Variants in ATAD2B observed in about 807,000 individuals in gnomAD.
The protein encoded by ATAD2B is ATPase family AAA domain containing 2B.
In ATAD2B, 40 loss-of-function variants were observed where a neutral mutation model predicts 167.6. The ratio of observed to expected loss-of-function variants is 0.24; its 90% CI spans 0.19 to 0.31. The LOEUF (loss-of-function observed/expected upper bound fraction) is 0.31, where lower values mean the gene tolerates loss of function less well. ATAD2B is among the 10% of genes least tolerant of loss of function. The pLI, the probability that ATAD2B is intolerant of heterozygous loss-of-function variation, is 1.00. For synonymous variants in ATAD2B, 579 were observed against 596.5 expected (o/e 0.97, Z 0.43); for missense variants, 1,242 against 1,757.2 (o/e 0.71, Z 5.24).
intron 22 of ATAD2B, among the ~76,000 whole-genome samples, chr2:23,769,742 G>A (rs1248613650): frequency 1.4e-5 from 2 of 143,290 alleles, no homozygotes; most frequent in Non-Finnish European, 1.5e-5. Flanking sequence ...TTGAGACAGG[G>A]TCTCATTCTG....
chr2:23,847,630 G>T lies in ATAD2B; in HGVS notation c.1568+9785C>A, dbSNP rs189223620. 6.6e-5 allele frequency among the ~76,000 whole-genome samples: 10 copies of T among 151,948 alleles called. No homozygotes were observed. In the East Asian group the frequency reaches 1.5e-3, roughly 24 times the overall value. Reference sequence around the variant, plus strand: ...ATCACACCACTGCACTACAGCCTTGGTGAAGGGAATGAGACGCTGTCTCAA... The same window carrying T: ...ATCACACCACTGCACTACAGCCTTGTTGAAGGGAATGAGACGCTGTCTCAA... On this transcript the variant is annotated intron_variant, in intron 13 of 27. Coordinates refer to ENST00000238789, the MANE Select transcript of ATAD2B (RefSeq NM_017552.4).
chr2:23,766,313 T>C (rs567376061), intron 22 of ATAD2B, among the ~76,000 whole-genome samples: 1 of 152,300 alleles, frequency 6.6e-6, no homozygotes, highest in South Asian at 2.1e-4. Context: ...GCCCCCTAGA[T>C]CTGTGCAACT....
chr2:23,802,146 T>C (rs1344375124), intron 18 of ATAD2B, among the ~76,000 whole-genome samples: 1 of 152,004 alleles, frequency 6.6e-6, no homozygotes, highest in Non-Finnish European at 1.5e-5. Flanking sequence ...AATAGTATTA[T>C]AAATATATTA....
chr2:23,746,309 T>C (rs1436804857), downstream of ATAD2B, among the ~76,000 whole-genome samples: 2 of 152,238 alleles, frequency 1.3e-5, no homozygotes, highest in Non-Finnish European at 2.9e-5. Context: ...AATTAATCTA[T>C]AACTCAGTTT....
chr2:23,922,018 A>G (rs186738315), intron 1 of ATAD2B, among the ~76,000 whole-genome samples: 1 of 152,302 alleles, frequency 6.6e-6, no homozygotes. Context: ...ATAAAAGTAT[A>G]CTAAAGAAGG....
At chr2:23,693,463 G>A in the ATAD2B span, 1 of 1,551,712 alleles carries the variant, frequency 6.4e-7, no homozygotes, top group African/African-American at 1.4e-5. Context: ...CAACACCAAG[G>A]CTGAGGAGCT....
chr2:23,802,478 T>C (rs1411834364), intron 18 of ATAD2B, among the ~76,000 whole-genome samples: 1 of 152,074 alleles, frequency 6.6e-6, no homozygotes, highest in Non-Finnish European at 1.5e-5. Flanking sequence ...AAAACACACC[T>C]GTACTAGTTT....
chr2:23,822,544 CA>C (rs1558602011), intron 16 of ATAD2B, among the ~76,000 whole-genome samples: 1 of 151,004 alleles, frequency 6.6e-6, no homozygotes, highest in South Asian at 2.1e-4. Flanking sequence ...GACTCTGTCT[CA>C]AAAAAAATAA....
chr2:23,898,703 C>T (rs1300072682), intron 1 of ATAD2B, among the ~76,000 whole-genome samples: 2 of 152,136 alleles, frequency 1.3e-5, no homozygotes, highest in African/African-American at 4.8e-5. Context: ...CAATATGCTA[C>T]CATATAGAAA....
At chr2:23,782,781 A>C in intron 22 of ATAD2B, 88 bp downstream of exon 22, 1 of 1,148,094 alleles carries the variant, frequency 8.7e-7, no homozygotes, top group South Asian at 1.5e-5. Context: ...AAAATTATCT[A>C]TCTAGAACAC....
chr2:23,880,831 A>G, intron 6 of ATAD2B, 76 bp from the exon 7 acceptor site: 1 of 830,690 alleles, frequency 1.2e-6, no homozygotes, highest in Non-Finnish European at 1.9e-6. Context: ...CTAGAACTGA[A>G]TATTTACACT....
chr2:23,754,712 C>T lies in ATAD2B; in HGVS notation c.4141G>A (p.Glu1381Lys). Reference protein sequence around the residue: ...ILEQAKTTSLELVPEEPSEPV... With the variant: ...ILEQAKTTSLKLVPEEPSEPV... ...TCAGATGGCTCTTCTGGAACCAGTT[C>T]CAGGCTTGTCGTTTTTGCCTGCTCT... The change falls in exon 26 of 28, where the codon GAA (glutamate) becomes AAA (lysine). Residue 1381 changes from glutamate to lysine, a missense_variant. Glu to Lys is a moderately conservative substitution (Grantham distance 56, BLOSUM62 1). This residue lies in a region of ATAD2B where 282 missense variants were observed against 346.8 expected (regional missense o/e 0.81). Transcript: ENST00000238789. 1 of 1,613,010 alleles carries T rather than the reference C, an allele frequency of 6.2e-7. No homozygotes were observed. The highest frequency in any genetic ancestry group is 8.5e-7 in the Non-Finnish European group (1 of 1,179,268).
intron 2 of ATAD2B, 113 bp downstream of exon 2, chr2:23,895,706 A>G (rs1213164241): frequency 3.5e-5 from 23 of 657,360 alleles, no homozygotes; most frequent in East Asian, 6.4e-5. Context: ...CAATTTACTT[A>G]TAAGTATTTA....
At position 23,884,759 on chromosome 2, in the gene ATAD2B, A is replaced by G. The variant is rs1290758772; in HGVS notation, c.784+6T>C. 5.8e-6 allele frequency: 9 copies of G among 1,547,320 alleles called. No homozygotes were observed. In the South Asian group the frequency reaches 1.1e-4, roughly 19 times the overall value. On this transcript the variant is annotated splice_donor_region_variant and intron_variant, in intron 6 of 27. Coordinates refer to ENST00000238789, the MANE Select transcript of ATAD2B (RefSeq NM_017552.4). The stretch of plus-strand genomic sequence containing the variant: ...TTTCTAGAATTCCAAAAAGTGCTTT[A>G]CAAACCTTCTTCTTCACCCTCAGTA...
intron 13 of ATAD2B, among the ~76,000 whole-genome samples, chr2:23,834,306 C>T (rs776385497): frequency 3.5e-4 from 53 of 151,510 alleles, no homozygotes; most frequent in Non-Finnish European, 6.0e-4. Context: ...GGACTACAGG[C>T]GCACGCCACC....
chr2:23,894,519 G>C (rs145118291), intron 2 of ATAD2B, among the ~76,000 whole-genome samples: 44 of 151,574 alleles, frequency 2.9e-4, no homozygotes, highest in African/African-American at 9.9e-4. Context: ...TTACATAAAG[G>C]CCTGCTGGGT....
chr2:23,892,822 G>A (rs1025058318), intron 2 of ATAD2B, among the ~76,000 whole-genome samples: 1 of 152,088 alleles, frequency 6.6e-6, no homozygotes, highest in African/African-American at 2.4e-5. Flanking sequence ...CTTAGAGTAT[G>A]CGTATTATTC....
intron 7 of ATAD2B, among the ~76,000 whole-genome samples, chr2:23,877,485 A>AGGAAG (rs1420553097): frequency 2.7e-5 from 3 of 113,096 alleles, no homozygotes; most frequent in Admixed American, 9.3e-5. Flanking sequence ...CAGAGCAAGA[A>AGGAAG]GGAAGGGAAG....
Position 23,882,107 on chromosome 2 carries a change from C to G in ATAD2B, c.785-1352G>C, listed in dbSNP as rs185080581. On this transcript the variant is annotated intron_variant, in intron 6 of 27. Transcript: ENST00000238789. ...GGACGCAGAGGCACCTGCCTCTAGT[C>G]CCAAATACTTAGGAGGCTAAGGCGG... 1.1e-3 allele frequency among the ~76,000 whole-genome samples: 171 copies of G among 152,306 alleles called. 1 individual carries two copies. Among genetic ancestry groups the G allele is most frequent in the African/African-American group, 3.8e-3 (160 of 41,566 alleles).
Sources: gnomAD v4.1 joint callset for allele counts (sites outside exome capture counted in the v4.1 genomes callset) on GRCh38, gnomAD v4.1.1 for gene constraint, gnomAD v4.1.1 regional missense constraint, MANE v1.5 for transcripts, NCBI Gene and HGNC (gene_info 2026-07-23, HGNC 2026-07-21) for gene names.